Variants in CDH13 observed in about 807,000 individuals in gnomAD.
The protein encoded by CDH13 is cadherin-13.
A neutral mutation model predicts 63.8 loss-of-function variants in CDH13; 24 were observed. The ratio of observed to expected loss-of-function variants is 0.38; its 90% confidence interval spans 0.27 to 0.53. CDH13 has a LOEUF of 0.53. Ranked by LOEUF, CDH13 falls within the 20% of genes least tolerant of loss-of-function variation. CDH13 has a pLI of 0.85. For missense variants in CDH13, 1,049 were observed against 903.1 expected, an observed-to-expected ratio of 1.16 and a Z score of -2.07; for synonymous variants, 503 against 355.3, an observed-to-expected ratio of 1.42 and a Z score of -4.67.
At chr16:83,511,847 G>T (rs1037301280) in intron 7 of CDH13, among the ~76,000 whole-genome samples, 1 of 152,138 alleles carries the variant, frequency 6.6e-6, no homozygotes, top group Admixed American at 6.6e-5. Flanking sequence ...AAGGACTCAG[G>T]CTTTGGGATC....
intron 2 of CDH13, among the ~76,000 whole-genome samples, chr16:82,920,094 C>T (rs544533281): frequency 6.6e-6 from 1 of 152,308 alleles, no homozygotes; most frequent in East Asian, 1.9e-4. Context: ...CAAAAGAACA[C>T]TGCATGCCTC....
intron 7 of CDH13, among the ~76,000 whole-genome samples, chr16:83,522,587 T>C (rs1733359457): frequency 6.6e-6 from 1 of 152,216 alleles, no homozygotes. Context: ...TCTAGTTTTA[T>C]ACCGTTCTAT....
chr16:83,071,194 A>G (rs951890500), intron 3 of CDH13, among the ~76,000 whole-genome samples: 7 of 152,176 alleles, frequency 4.6e-5, no homozygotes, highest in Admixed American at 4.6e-4. Context: ...CTGATTATAC[A>G]TGAGTGTTAG....
intron 7 of CDH13, among the ~76,000 whole-genome samples, chr16:83,547,653 G>A (rs1359033016): frequency 6.6e-6 from 1 of 152,206 alleles, no homozygotes; most frequent in Non-Finnish European, 1.5e-5. Context: ...TGGCTGCATA[G>A]TATTCCATGG....
Position 83,432,322 on chromosome 16 carries a change from C to T in CDH13, c.782-54155C>T, listed in dbSNP as rs118109955. The stretch of plus-strand genomic sequence containing the variant: ...TAGCTCCTTCTAGTGCTGTGCCAGG[C>T]ACAGAACTCATACCATGTCATCCTA... On this transcript the variant is annotated intron_variant, in intron 6 of 13. Transcript: ENST00000567109. Among the ~76,000 whole-genome samples the T allele has an allele frequency of 2.1e-3, 323 of 152,250 alleles. 8 individuals are homozygous for T. The East Asian group carries it at 0.048, about 23-fold the overall frequency.
At chr16:83,131,728 C>A (rs1409811517) in intron 4 of CDH13, among the ~76,000 whole-genome samples, 1 of 152,126 alleles carries the variant, frequency 6.6e-6, no homozygotes, top group Non-Finnish European at 1.5e-5. Context: ...TCATCACAAA[C>A]CCTTTTCATC....
At chr16:82,777,897 C>T (rs1341766662) in intron 1 of CDH13, among the ~76,000 whole-genome samples, 1 of 152,146 alleles carries the variant, frequency 6.6e-6, no homozygotes, top group Non-Finnish European at 1.5e-5. Flanking sequence ...GGGAAGCTCA[C>T]AACAGGACAA....
chr16:83,125,811 C>T (rs866882361), intron 4 of CDH13, among the ~76,000 whole-genome samples: 104 of 152,108 alleles, frequency 6.8e-4, no homozygotes, highest in African/African-American at 2.5e-3. Flanking sequence ...CAGGTGATCA[C>T]CAGATAGGGC....
chr16:82,703,023 C>G (rs2031177808), intron 1 of CDH13, among the ~76,000 whole-genome samples: 1 of 152,130 alleles, frequency 6.6e-6, no homozygotes, highest in African/African-American at 2.4e-5. Flanking sequence ...CCAGTGAGTG[C>G]TCTACAAACA....
chr16:82,702,875 T>C lies in CDH13; in HGVS notation c.45+75738T>C, dbSNP rs141316677. ...CTTCACCTTTGTCTCTAGATCTTCC[T>C]GTGCATTTAGATTTTTAAAAAATCT... On this transcript the variant is annotated intron_variant, in intron 1 of 13. Coordinates refer to ENST00000567109, the MANE Select transcript of CDH13 (RefSeq NM_001257.5). Among the ~76,000 whole-genome samples, 319 of 152,304 alleles carry C rather than the reference T, an allele frequency of 2.1e-3. 1 individual carries two copies. Among genetic ancestry groups the C allele is most frequent in the Non-Finnish European group, 4.0e-3 (272 of 68,022 alleles).
Position 82,803,455 on chromosome 16 carries a change from A to G in CDH13, c.46-54907A>G, listed in dbSNP as rs187662577. On this transcript the variant is annotated intron_variant, in intron 1 of 13. Transcript: ENST00000567109. ...TATTTAGAATCTCTGAGCAGCTCAG[A>G]CTCAGTTTTTTTTGTAATGCCAGCA... Among the ~76,000 whole-genome samples the G allele has an allele frequency of 3.1e-4, 44 of 143,702 alleles. No individual in the cohort carries two copies. The East Asian group carries it at 8.1e-3, about 27-fold the overall frequency. 94.3% of individuals were successfully genotyped at this position (143,702 alleles called of 152,430 possible). A position where few individuals can be genotyped will look rare whatever the true frequency, so the allele number is the denominator to read the frequency against.
At chr16:83,015,920 G>T (rs1044222464) in intron 2 of CDH13, among the ~76,000 whole-genome samples, 2 of 151,646 alleles carry the variant, frequency 1.3e-5, no homozygotes, top group Non-Finnish European at 2.9e-5. Flanking sequence ...CACTTCCCAT[G>T]ATAATTCAAA....
chr16:83,268,907 A>T (rs1025343837), intron 5 of CDH13, among the ~76,000 whole-genome samples: 4 of 139,742 alleles, frequency 2.9e-5, no homozygotes, highest in African/African-American at 1.1e-4. Flanking sequence ...TCTGTTGTTA[A>T]AGGTAAACTC....
chr16:83,776,647 C>T lies in CDH13; in HGVS notation c.1682-3321C>T, dbSNP rs571739046. ...GCTTCCTTTAAGCTGGTTTTTTCCC[C>T]GTTAACAGAAACCTCTTCCAAAAGT... On this transcript the variant is annotated intron_variant, in intron 11 of 13. Coordinates refer to ENST00000567109, the MANE Select transcript of CDH13 (RefSeq NM_001257.5). Among the ~76,000 whole-genome samples the T allele has an allele frequency of 5.7e-4, 87 of 152,262 alleles. 1 individual carries two copies. The South Asian group carries it at 7.5e-3, about 13-fold the overall frequency.
chr16:83,372,609 G>C (rs1212162721), intron 6 of CDH13, among the ~76,000 whole-genome samples: 1 of 151,834 alleles, frequency 6.6e-6, no homozygotes, highest in Non-Finnish European at 1.5e-5. Flanking sequence ...AAAATTTACT[G>C]GGTGTGGTGG....
At chr16:82,658,175 T>C (rs1006302428) in intron 1 of CDH13, among the ~76,000 whole-genome samples, 11 of 152,228 alleles carry the variant, frequency 7.2e-5, no homozygotes, top group African/African-American at 2.4e-4. Context: ...GTGATATCTA[T>C]TGATATGTGC....
At chr16:82,680,734 C>G (rs1428856212) in intron 1 of CDH13, among the ~76,000 whole-genome samples, 1 of 152,090 alleles carries the variant, frequency 6.6e-6, no homozygotes, top group Admixed American at 6.6e-5. Context: ...AACGAAGGAA[C>G]TTTCCGTACT....
intron 4 of CDH13, among the ~76,000 whole-genome samples, chr16:83,213,642 A>T (rs2039402128): frequency 1.3e-5 from 2 of 152,172 alleles, no homozygotes; most frequent in Admixed American, 1.3e-4. Flanking sequence ...GTCAGAATGC[A>T]TTGTATGTTA....
intron 5 of CDH13, among the ~76,000 whole-genome samples, chr16:83,326,579 A>T (rs1490216247): frequency 1.3e-5 from 2 of 152,122 alleles, no homozygotes; most frequent in African/African-American, 4.8e-5. Flanking sequence ...ATAAATTATC[A>T]GTGGGACTTA....
Sources: allele counts gnomAD v4.1 joint callset (sites outside exome capture counted in the v4.1 genomes callset), GRCh38; gene constraint gnomAD v4.1.1; transcripts MANE v1.5; gene names NCBI Gene and HGNC (gene_info 2026-07-23, HGNC 2026-07-21).